CCDC38: variants seen among roughly 807,000 people sequenced by gnomAD.
The protein encoded by CCDC38 is coiled-coil domain-containing protein 38.
CCDC38 carries 69 observed loss-of-function variants against 72.8 expected under a neutral mutation model. That is an observed-to-expected ratio of 0.95 (90% CI 0.78 to 1.16). The LOEUF is 1.16. Ranked by LOEUF, CCDC38 falls within the 50% of genes most tolerant of loss-of-function variation. The probability of loss-of-function intolerance (pLI) is 0.00; values close to 1 mark genes in which losing one functional copy is unlikely to be tolerated. For synonymous variants in CCDC38, 201 were observed against 213.2 expected, an observed-to-expected ratio of 0.94 and a Z score of 0.50; for missense variants, 626 against 638.9, an observed-to-expected ratio of 0.98 and a Z score of 0.22.
chr12:95,893,262 TA>T (rs141551156), intron 8 of CCDC38, among the ~76,000 whole-genome samples: 15,724 of 152,102 alleles, frequency 0.1, 1,390 homozygotes, highest in African/African-American at 0.25. Context: ...GTTGTTTTCT[TA>T]GACTTAATTT....
chr12:95,870,663 A>T (rs192943302), intron 14 of CCDC38, among the ~76,000 whole-genome samples: 100 of 152,332 alleles, frequency 6.6e-4, no homozygotes, highest in African/African-American at 2.3e-3. Context: ...TAGTGTAGTC[A>T]TAATGAGGTC....
At chr12:95,908,448 GGAGA>G (rs2080042285) in intron 4 of CCDC38, among the ~76,000 whole-genome samples, 1 of 216 alleles carries the variant, frequency 4.6e-3, no homozygotes, top group African/African-American at 0.029. Flanking sequence ...GTGGAAAGAG[GGAGA>G]GGGAGAGGGA....
chr12:95,930,140 G>T (rs1022650652), intron 2 of CCDC38, among the ~76,000 whole-genome samples: 1 of 152,018 alleles, frequency 6.6e-6, no homozygotes, highest in African/African-American at 2.4e-5. Flanking sequence ...ATTTGTGGAG[G>T]GCCACTATTC....
At chr12:95,876,188 C>G (rs2079633222) in intron 13 of CCDC38, among the ~76,000 whole-genome samples, 1 of 152,056 alleles carries the variant, frequency 6.6e-6, no homozygotes. Context: ...ATGAAATAAG[C>G]CAGACACAAA....
intron 4 of CCDC38, among the ~76,000 whole-genome samples, chr12:95,908,292 T>G (rs1190303492): frequency 1.8e-4 from 27 of 150,554 alleles, no homozygotes; most frequent in African/African-American, 5.9e-4. Context: ...AAACCCCGTC[T>G]CCACCCAAAA....
chr12:95,911,822 C>T lies in CCDC38; in HGVS notation c.304+5307G>A, dbSNP rs186268665. Among the ~76,000 whole-genome samples the T allele has an allele frequency of 3.3e-5, 5 of 152,244 alleles. No individual in the cohort carries two copies. In the East Asian group the frequency reaches 9.7e-4, roughly 29 times the overall value. ...AGCAGTTTGGAGGTTTTTCAAAGAACTAAAAATAGAACTATCATCCAACCC... is the reference window on the plus strand; with the variant it reads ...AGCAGTTTGGAGGTTTTTCAAAGAATTAAAAATAGAACTATCATCCAACCC... On this transcript the variant is annotated intron_variant, in intron 4 of 15. Transcript: ENST00000344280.
intron 7 of CCDC38, 99 bp downstream of exon 7, chr12:95,898,281 CATCAA>C (rs768341409): frequency 1.3e-5 from 15 of 1,114,152 alleles, no homozygotes; most frequent in Admixed American, 1.8e-5. Context: ...CTTATGACAT[CATCAA>C]CTGATAAGGA....
chr12:95,942,386 A>G (rs557903247), intron 1 of CCDC38, 45 bp downstream of exon 1: 21,270 of 150,416 alleles, frequency 0.14, 1,681 homozygotes, highest in Non-Finnish European at 0.18. Flanking sequence ...GAGGGGTGGG[A>G]GGGGGCATGC....
intron 8 of CCDC38, among the ~76,000 whole-genome samples, chr12:95,893,865 G>A (rs1344966093): frequency 3.3e-5 from 5 of 151,538 alleles, no homozygotes; most frequent in Admixed American, 3.3e-4. Context: ...TAATATATAA[G>A]TAAATAACAT....
intron 4 of CCDC38, among the ~76,000 whole-genome samples, chr12:95,914,561 T>C (rs1319228448): frequency 1.3e-5 from 2 of 152,162 alleles, no homozygotes; most frequent in African/African-American, 2.4e-5. Context: ...TATGAAACTC[T>C]AGCAGATAAA....
chr12:95,940,889 AAC>A (rs1387985477), intron 1 of CCDC38, among the ~76,000 whole-genome samples: 7,569 of 50,194 alleles, frequency 0.15, 613 homozygotes, highest in African/African-American at 0.42. Context: ...CAAACAAACA[AAC>A]AAAAAAAAAA....
At chr12:95,908,246 G>A (rs564130595) in intron 4 of CCDC38, among the ~76,000 whole-genome samples, 123 of 151,546 alleles carry the variant, frequency 8.1e-4, no homozygotes, top group African/African-American at 2.6e-3. Context: ...GATCACTCGC[G>A]GTTAGGAGCT....
intron 8 of CCDC38, among the ~76,000 whole-genome samples, chr12:95,893,345 CTTCCA>C (rs2079849236): frequency 6.8e-6 from 1 of 148,122 alleles, no homozygotes; most frequent in Non-Finnish European, 1.5e-5. Flanking sequence ...CTTCCCTTCC[CTTCCA>C]TTCCATTCCC....
chr12:95,900,833 A>G (rs1425670435), intron 5 of CCDC38, among the ~76,000 whole-genome samples: 2 of 152,214 alleles, frequency 1.3e-5, no homozygotes, highest in African/African-American at 4.8e-5. Context: ...TTAAGTTTAC[A>G]TTTTCCAGAA....
At chr12:95,918,790 C>T (rs2080172662) in intron 3 of CCDC38, 86 bp downstream of exon 3, 1 of 866,898 alleles carries the variant, frequency 1.2e-6, no homozygotes, top group Non-Finnish European at 1.9e-6. Flanking sequence ...GACTCCATGT[C>T]TCAGCCCAGC....
chr12:95,881,874 G>A (rs2079704332), intron 10 of CCDC38, among the ~76,000 whole-genome samples: 1 of 152,214 alleles, frequency 6.6e-6, no homozygotes, highest in East Asian at 1.9e-4. Flanking sequence ...ACACATGACA[G>A]CCTATGTTGC....
intron 2 of CCDC38, chr12:95,935,219 T>C (rs1438457466): frequency 6.6e-6 from 1 of 152,182 alleles, no homozygotes; most frequent in Non-Finnish European, 1.5e-5. Context: ...AAAATGGTAG[T>C]GGAGCAGATA....
At chr12:95,884,873 T>C (rs1213615079) in intron 10 of CCDC38, among the ~76,000 whole-genome samples, 2 of 152,224 alleles carry the variant, frequency 1.3e-5, no homozygotes, top group South Asian at 2.1e-4. Context: ...AAAATATATA[T>C]ATTTTTTCCA....
chr12:95,894,653 T>C (rs1014202827), intron 8 of CCDC38, among the ~76,000 whole-genome samples: 1 of 152,162 alleles, frequency 6.6e-6, no homozygotes, highest in African/African-American at 2.4e-5. Flanking sequence ...ATGTTTCCCT[T>C]CTGCCATGAG....
Sources: allele counts gnomAD v4.1 joint callset (sites outside exome capture counted in the v4.1 genomes callset), GRCh38; gene constraint gnomAD v4.1.1; transcripts MANE v1.5; gene names NCBI Gene and HGNC (gene_info 2026-07-23, HGNC 2026-07-21).